NAV2: variants seen among roughly 807,000 people sequenced by gnomAD.
NAV2 encodes neuron navigator 2, also known as helicase, APC down-regulated 1.
A neutral mutation model predicts 223.2 loss-of-function variants in NAV2; 54 were observed. That is an observed-to-expected ratio of 0.24 (90% confidence interval 0.19 to 0.30). The LOEUF (loss-of-function observed/expected upper bound fraction) is 0.30. NAV2 is among the 10% of genes least tolerant of loss of function. The pLI is 1.00. For synonymous variants in NAV2, 1,279 were observed against 1,239.3 expected (o/e 1.03, Z -0.67); for missense variants, 2,806 against 3,147.5 (o/e 0.89, Z 2.60).
intron 1 of NAV2, among the ~76,000 whole-genome samples, chr11:19,477,093 G>A (rs1360896963): frequency 6.6e-6 from 1 of 152,110 alleles, no homozygotes; most frequent in Admixed American, 6.5e-5. Flanking sequence ...GGCCAGTCTT[G>A]GGTCAAGCGA....
chr11:19,841,449 A>G (rs1444283268), intron 2 of NAV2, among the ~76,000 whole-genome samples: 1 of 152,122 alleles, frequency 6.6e-6, no homozygotes, highest in African/African-American at 2.4e-5. Flanking sequence ...TAGGTATCAT[A>G]TTTATTAAAA....
chr11:19,482,240 A>G (rs899657008), intron 1 of NAV2, among the ~76,000 whole-genome samples: 10 of 152,174 alleles, frequency 6.6e-5, no homozygotes, highest in African/African-American at 2.2e-4. Context: ...AAGCCCATCT[A>G]CGTTCCCTAC....
At position 19,713,934 on chromosome 11, in the gene NAV2, G is replaced by A; in HGVS notation, c.239G>A (p.Gly80Asp). The A allele has an allele frequency of 1.9e-6, 3 of 1,613,390 alleles. No homozygotes were observed. Among genetic ancestry groups the A allele is most frequent in the Middle Eastern group, 1.7e-4 (1 of 6,058 alleles). Residue 80 changes from glycine to aspartate, a missense_variant, in exon 1 of 38, where the codon GGC becomes GAC. By Grantham distance (94) the Gly-to-Asp change is moderately conservative. Transcript: ENST00000349880. This position sits in a 1 kb window ranked among gnomAD's most constrained non-coding sequence, Gnocchi z 7.2. The part of the protein sequence containing the change: ...AGEGLPLRKS[G>D]SVENGFDTQI... ...GAGGGGCTCCCGCTGCGGAAGAGCG[G>A]CTCGGTGGAAAACGGGTTCGATACC...
At chr11:19,852,297 C>T (rs2061188615) in intron 3 of NAV2, among the ~76,000 whole-genome samples, 2 of 152,230 alleles carry the variant, frequency 1.3e-5, no homozygotes, top group Admixed American at 1.3e-4. Flanking sequence ...AGCACAGGCT[C>T]ATTTTGCTGT....
At chr11:19,741,716 TATATATATATATCA>T (rs2052843325) in intron 1 of NAV2, among the ~76,000 whole-genome samples, 1 of 90,382 alleles carries the variant, frequency 1.1e-5, no homozygotes, top group Non-Finnish European at 2.4e-5. Flanking sequence ...TATATATATA[TATATATATATATCA>T]CAATTTATTT....
At chr11:19,563,122 AG>A (rs1565052948) in intron 1 of NAV2, among the ~76,000 whole-genome samples, 1 of 152,238 alleles carries the variant, frequency 6.6e-6, no homozygotes, top group Non-Finnish European at 1.5e-5. Context: ...GAAATACAAA[AG>A]TTTGGATTGT....
intron 1 of NAV2, among the ~76,000 whole-genome samples, chr11:19,621,983 A>G (rs1461833604): frequency 6.6e-6 from 1 of 152,220 alleles, no homozygotes; most frequent in Admixed American, 6.5e-5. Context: ...TTCAAAGAAC[A>G]TCTTTATCTC....
intron 1 of NAV2, among the ~76,000 whole-genome samples, chr11:19,455,433 G>A (rs1246860797): frequency 2.0e-5 from 3 of 152,072 alleles, no homozygotes; most frequent in African/African-American, 7.2e-5. Flanking sequence ...TGCTCTCATA[G>A]CACCCTGTAA....
chr11:19,623,139 T>C (rs1052297617), intron 1 of NAV2, among the ~76,000 whole-genome samples: 6 of 152,240 alleles, frequency 3.9e-5, no homozygotes, highest in African/African-American at 1.4e-4. Flanking sequence ...GATTCACTGT[T>C]AGTCTGATGG....
At chr11:19,964,432 T>A (rs1201384339) in intron 10 of NAV2, among the ~76,000 whole-genome samples, 1 of 152,158 alleles carries the variant, frequency 6.6e-6, no homozygotes, top group Non-Finnish European at 1.5e-5. Context: ...TAGCTACCGT[T>A]TATTGAACAC....
intron 1 of NAV2, among the ~76,000 whole-genome samples, chr11:19,435,312 C>T (rs370615817): frequency 2.6e-5 from 4 of 151,962 alleles, no homozygotes; most frequent in Non-Finnish European, 5.9e-5. Context: ...CATATATAAG[C>T]GAGACCATAT....
intron 1 of NAV2, among the ~76,000 whole-genome samples, chr11:19,371,511 G>T (rs563555313): frequency 1.3e-5 from 2 of 152,346 alleles, no homozygotes; most frequent in Admixed American, 1.3e-4. Context: ...TACTTACTGA[G>T]TGCTTACCAG....
At chr11:19,560,418 G>C (rs1191040312) in intron 1 of NAV2, among the ~76,000 whole-genome samples, 9 of 152,194 alleles carry the variant, frequency 5.9e-5, no homozygotes, top group Non-Finnish European at 1.0e-4. Flanking sequence ...CCAGCTGTGT[G>C]ACCTTGGGCA....
chr11:20,085,483 A>G lies in NAV2; in HGVS notation c.5498+2304A>G, dbSNP rs77336335. Among the ~76,000 whole-genome samples, 348 of 152,366 alleles carry G rather than the reference A, an allele frequency of 2.3e-3. 1 individual carries two copies. Among genetic ancestry groups the G allele is most frequent in the African/African-American group, 8.1e-3 (337 of 41,582 alleles). Reference sequence around the variant, plus strand: ...GTGCTGAGATACAGAGTACCTTGGCAGCAACTTTAGATGGGGTGGTCAGAA... The same window carrying G: ...GTGCTGAGATACAGAGTACCTTGGCGGCAACTTTAGATGGGGTGGTCAGAA... On this transcript the variant is annotated intron_variant, in intron 26 of 37. Transcript: ENST00000349880.
intron 1 of NAV2, among the ~76,000 whole-genome samples, chr11:19,431,307 T>G (rs1245693104): frequency 6.6e-6 from 1 of 152,172 alleles, no homozygotes; most frequent in Non-Finnish European, 1.5e-5. Context: ...AGTTCTTTGC[T>G]GCGTTTAACG....
At chr11:19,436,800 G>A (rs1165932884) in intron 1 of NAV2, among the ~76,000 whole-genome samples, 1 of 152,000 alleles carries the variant, frequency 6.6e-6, no homozygotes, top group African/African-American at 2.4e-5. Context: ...AGTATACAGA[G>A]CTTTCATTTC....
At chr11:19,907,109 A>T (rs994837703) in intron 6 of NAV2, among the ~76,000 whole-genome samples, 8 of 49,524 alleles carry the variant, frequency 1.6e-4, no homozygotes, top group Non-Finnish European at 3.5e-4. Context: ...TTTCCGTGAG[A>T]TGAAACCATA....
At chr11:20,103,847 C>T in intron 34 of NAV2, 123 bp downstream of exon 34, 1 of 878,380 alleles carries the variant, frequency 1.1e-6, no homozygotes, top group South Asian at 1.4e-5. Context: ...AAGCATTTTT[C>T]TCAGCTTAAT....
chr11:20,048,338 C>T (rs2150), intron 14 of NAV2, among the ~76,000 whole-genome samples: 15,030 of 152,112 alleles, frequency 0.099, 806 homozygotes, highest in Admixed American at 0.15. Flanking sequence ...TGCCTGGGGC[C>T]GCAGAGACAG....
Sources: allele counts gnomAD v4.1 joint callset (sites outside exome capture counted in the v4.1 genomes callset), GRCh38; gene constraint gnomAD v4.1.1; non-coding constraint Gnocchi (gnomAD v3.1); transcripts MANE v1.5; gene names NCBI Gene and HGNC (gene_info 2026-07-23, HGNC 2026-07-21).